Variants in DNAJC24 observed in about 807,000 individuals in gnomAD.
The protein encoded by DNAJC24 is DnaJ heat shock protein family (Hsp40) member C24.
A neutral mutation model predicts 18.0 loss-of-function variants in DNAJC24; 17 were observed. That is an observed-to-expected ratio of 0.94 (90% CI 0.65 to 1.42). The LOEUF (loss-of-function observed/expected upper bound fraction) is 1.42, where lower values mean the gene tolerates loss of function less well. DNAJC24 is among the 40% of genes most tolerant of loss of function. The probability of loss-of-function intolerance (pLI) is 0.00; values close to 1 mark genes in which losing one functional copy is unlikely to be tolerated. For synonymous variants in DNAJC24, 55 were observed against 57.7 expected, an observed-to-expected ratio of 0.95 and a Z score of 0.21; for missense variants, 158 against 175.6, an observed-to-expected ratio of 0.90 and a Z score of 0.57.
chr11:31,426,288 A>T lies in DNAJC24; in HGVS notation c.252A>T (p.Glu84Asp), dbSNP rs1321378182. Reference protein sequence around the residue: ...TKREYDLQRCEDDLRNVGPVD... With the variant: ...TKREYDLQRCDDDLRNVGPVD... ...AGTGTCATGTTTTATGTTTTACAGA[A>T]GATGATCTAAGAAATGTAGGACCAG... Residue 84 changes from glutamate (E) to aspartate (D), a missense_variant and splice_region_variant, in exon 4 of 5, where the codon GAA becomes GAT. Transcript: ENST00000465995. 2 of 1,528,754 alleles carry T rather than the reference A, an allele frequency of 1.3e-6. No individual in the cohort carries two copies. Among genetic ancestry groups the T allele is most frequent in the Admixed American group, 4.0e-5 (2 of 50,204 alleles). 94.7% of individuals were successfully genotyped at this position (1,528,754 alleles called of 1,614,324 possible).
intron 2 of DNAJC24, among the ~76,000 whole-genome samples, chr11:31,388,783 A>G (rs533711138): frequency 6.6e-6 from 1 of 152,200 alleles, no homozygotes; most frequent in Non-Finnish European, 1.5e-5. Context: ...ATGAACCTAT[A>G]AAAAGTAATT....
intron 2 of DNAJC24, among the ~76,000 whole-genome samples, chr11:31,399,814 T>C (rs937687838): frequency 1.4e-5 from 2 of 144,912 alleles, no homozygotes; most frequent in Non-Finnish European, 3.0e-5. Context: ...TACATAGGTA[T>C]ACATGTGCCA....
rs1260635072 is a variant in DNAJC24, at chr11:31,375,055, T to C, written c.111+4196T>C. 3.0e-5 allele frequency among the ~76,000 whole-genome samples: 4 copies of C among 135,096 alleles called. 2 individuals carry two copies. Among genetic ancestry groups the C allele is most frequent in the Non-Finnish European group, 6.8e-5 (4 of 58,492 alleles). The allele number at this position is 135,096 out of a possible 152,430, so 88.6% of individuals were successfully genotyped here. On this transcript the variant is annotated intron_variant, in intron 2 of 4. Coordinates refer to ENST00000465995, the MANE Select transcript of DNAJC24 (RefSeq NM_181706.5). ...TGAGCCAGTTGCTGTGGTTCACACT[T>C]GTAATCTTAGCTACTTGTGAGGCTG...
At chr11:31,399,386 T>C (rs1462121842) in intron 2 of DNAJC24, among the ~76,000 whole-genome samples, 4 of 152,090 alleles carry the variant, frequency 2.6e-5, no homozygotes, top group Non-Finnish European at 4.4e-5. Context: ...TTGTGAATTC[T>C]GTTTCTGCAG....
chr11:31,393,318 A>G (rs759482768), intron 2 of DNAJC24, among the ~76,000 whole-genome samples: 9 of 152,132 alleles, frequency 5.9e-5, no homozygotes, highest in Non-Finnish European at 1.3e-4. Context: ...TTATATGCAG[A>G]TCCTCTTAGC....
intron 2 of DNAJC24, among the ~76,000 whole-genome samples, chr11:31,388,131 G>C (rs1952448764): frequency 6.6e-6 from 1 of 152,112 alleles, no homozygotes; most frequent in African/African-American, 2.4e-5. Context: ...AATAGCCTCA[G>C]TAGGGCAAAT....
In DNAJC24 at chr11:31,372,394, A is replaced by G. The variant is rs193262217; in HGVS notation, c.111+1535A>G. 1.8e-4 allele frequency among the ~76,000 whole-genome samples: 25 copies of G among 135,488 alleles called. 2 individuals carry two copies. Among genetic ancestry groups the G allele is most frequent in the African/African-American group, 5.4e-4 (22 of 40,440 alleles). The allele number at this position is 135,488 out of a possible 152,430, so 88.9% of individuals were successfully genotyped here. On this transcript the variant is annotated intron_variant, in intron 2 of 4. Transcript: ENST00000465995. Reference sequence around the variant, plus strand: ...ACTGTTTCATCATCAGGATTGTACTAATATTCTTACTTTAGGTAGTATGTT... The same window carrying G: ...ACTGTTTCATCATCAGGATTGTACTGATATTCTTACTTTAGGTAGTATGTT...
rs200437843 is a variant in DNAJC24 at position 31,370,784 on chromosome 11, G to C, written c.36G>C (p.Trp12Cys). 5 of 1,612,858 alleles carry C rather than the reference G, an allele frequency of 3.1e-6. No individual in the cohort carries two copies. Among genetic ancestry groups the C allele is most frequent in the Non-Finnish European group, 4.2e-6 (5 of 1,179,692 alleles). Residue 12 changes from tryptophan (W) to cysteine (C), a missense_variant, in exon 2 of 5, where the codon TGG (tryptophan) becomes TGC (cysteine). Trp to Cys is a radical substitution (Grantham distance 215, BLOSUM62 -2). Coordinates refer to ENST00000465995, the MANE Select transcript of DNAJC24 (RefSeq NM_181706.5). Reference protein sequence around the residue: ...MAVEQMPKKDWYSILGADPSA... With the variant: ...MAVEQMPKKDCYSILGADPSA... ...TTGAGCAGATGCCAAAAAAGGATTGGTACAGCATCCTGGGAGCAGACCCAT... is the reference window on the plus strand; with the variant it reads ...TTGAGCAGATGCCAAAAAAGGATTGCTACAGCATCCTGGGAGCAGACCCAT...
chr11:31,421,716 G>A (rs1952805906), intron 3 of DNAJC24, among the ~76,000 whole-genome samples: 1 of 152,112 alleles, frequency 6.6e-6, no homozygotes, highest in African/African-American at 2.4e-5. Flanking sequence ...GAAACAAAGA[G>A]TTGTTTTAGA....
chr11:31,404,151 T>C (rs1052881763), intron 2 of DNAJC24, among the ~76,000 whole-genome samples: 5 of 152,206 alleles, frequency 3.3e-5, no homozygotes, highest in Non-Finnish European at 7.4e-5. Flanking sequence ...CTGGCTTCCT[T>C]ACTGCAACCT....
intron 2 of DNAJC24, among the ~76,000 whole-genome samples, chr11:31,400,597 T>A (rs994588533): frequency 6.6e-5 from 10 of 152,308 alleles, no homozygotes; most frequent in African/African-American, 2.4e-4. Flanking sequence ...ATCTGATCTT[T>A]GACAAACCTG....
At chr11:31,403,181 A>C (rs1952619681) in intron 2 of DNAJC24, among the ~76,000 whole-genome samples, 1 of 150,958 alleles carries the variant, frequency 6.6e-6, no homozygotes, top group Admixed American at 6.6e-5. Flanking sequence ...TTCATGAAGA[A>C]AAATGTTGGG....
chr11:31,413,209 T>C (rs1952724194), intron 2 of DNAJC24, among the ~76,000 whole-genome samples: 1 of 151,762 alleles, frequency 6.6e-6, no homozygotes, highest in South Asian at 2.1e-4. Context: ...TTGTAAAAAC[T>C]TGGAAAAAAG....
intron 2 of DNAJC24, among the ~76,000 whole-genome samples, chr11:31,379,635 T>G (rs1952356065): frequency 6.6e-6 from 1 of 152,362 alleles, no homozygotes; most frequent in Admixed American, 6.5e-5. Flanking sequence ...TGCCATGTTT[T>G]TAAGATGAAA....
chr11:31,394,240 A>G (rs191721064), intron 2 of DNAJC24, among the ~76,000 whole-genome samples: 17 of 152,330 alleles, frequency 1.1e-4, no homozygotes, highest in Non-Finnish European at 1.8e-4. Context: ...CATGGCACTA[A>G]ATAGACTGTG....
At chr11:31,413,442 T>C (rs1564956058) in intron 2 of DNAJC24, among the ~76,000 whole-genome samples, 1 of 150,498 alleles carries the variant, frequency 6.6e-6, no homozygotes, top group Admixed American at 6.6e-5. Context: ...GCCATTCTCC[T>C]GCCTCAGCCT....
rs368619870 is a variant in DNAJC24 at position 31,417,628 on chromosome 11, C to A, written c.250+2679C>A. The stretch of plus-strand genomic sequence containing the variant: ...ACATGTGGTGATAATTCATTGTAAA[C>A]CTTTCTTTTCATAGGGGTGTGCTTT... On this transcript the variant is annotated intron_variant, in intron 3 of 4. Transcript: ENST00000465995. 3.0e-3 allele frequency among the ~76,000 whole-genome samples: 453 copies of A among 152,130 alleles called. 2 individuals are homozygous for A. Among genetic ancestry groups the A allele is most frequent in the African/African-American group, 0.01 (416 of 41,548 alleles).
At chr11:31,391,702 C>T (rs1952498356) in intron 2 of DNAJC24, among the ~76,000 whole-genome samples, 1 of 152,084 alleles carries the variant, frequency 6.6e-6, no homozygotes. Context: ...GGAGGTTCCT[C>T]AAAAAACTTA....
At chr11:31,392,709 C>CTTT (rs1194936438) in intron 2 of DNAJC24, among the ~76,000 whole-genome samples, 1 of 129,320 alleles carries the variant, frequency 7.7e-6, no homozygotes, top group African/African-American at 2.8e-5. Flanking sequence ...TCACAATTTT[C>CTTT]TTTTTTTTTT....
Sources: allele counts gnomAD v4.1 joint callset (sites outside exome capture counted in the v4.1 genomes callset), GRCh38; gene constraint gnomAD v4.1.1; transcripts MANE v1.5; gene names NCBI Gene and HGNC (gene_info 2026-07-23, HGNC 2026-07-21).